Variants in SLC25A44 observed in about 807,000 individuals in gnomAD.
SLC25A44 encodes solute carrier family 25, member 44.
SLC25A44 carries 17 observed loss-of-function variants against 29.9 expected under a neutral mutation model. The observed-to-expected ratio is 0.57, with a 90% confidence interval of 0.39 to 0.85. The LOEUF (loss-of-function observed/expected upper bound fraction) is 0.85. Ranked by LOEUF, SLC25A44 falls within the 40% of genes least tolerant of loss-of-function variation. The pLI, the probability that SLC25A44 is intolerant of heterozygous loss-of-function variation, is 0.00. For synonymous variants in SLC25A44, 140 were observed against 151.8 expected, an observed-to-expected ratio of 0.92 and a Z score of 0.57; for missense variants, 302 against 398.4, an observed-to-expected ratio of 0.76 and a Z score of 2.06.
chr1:156,204,878 T>C (rs547503292), intron 2 of SLC25A44, among the ~76,000 whole-genome samples: 22 of 152,196 alleles, frequency 1.4e-4, no homozygotes, highest in African/African-American at 5.3e-4. Flanking sequence ...GTATGCTGAT[T>C]CTGGGGAAGA....
intron 2 of SLC25A44, among the ~76,000 whole-genome samples, chr1:156,207,454 C>T (rs1351884754): frequency 1.3e-5 from 2 of 151,258 alleles, no homozygotes; most frequent in Non-Finnish European, 2.9e-5. Flanking sequence ...GCTGGGATTA[C>T]AGGCGTGAGC....
rs1010885340 is a variant in SLC25A44 at position 156,211,260 on chromosome 1, T to C, written c.*829T>C. On this transcript the variant is annotated 3_prime_UTR_variant, in exon 4 of 4. Transcript: ENST00000359511. ...TCAGGAGCCCTAGGAGAGTCTAAGC[T>C]GGGGCATCCCCTGGCCCAGAGGACT... The C allele has an allele frequency of 2.6e-5, 4 of 152,890 alleles. No homozygotes were observed. Among genetic ancestry groups the C allele is most frequent in the Admixed American group, 1.3e-4 (2 of 15,276 alleles). The allele number at this position is 152,890 out of a possible 1,614,324, so 9.5% of individuals were successfully genotyped here. A position where few individuals can be genotyped will look rare whatever the true frequency, so the allele number is the denominator to read the frequency against.
chr1:156,207,804 C>T, intron 2 of SLC25A44, 82 bp from the exon 3 acceptor site: 1 of 1,544,360 alleles, frequency 6.5e-7, no homozygotes, highest in East Asian at 2.3e-5. Flanking sequence ...TTGGGAAAGC[C>T]ACCTGGTAGA....
Position 156,205,253 on chromosome 1 carries a change from G to A in SLC25A44, c.626-2633G>A, listed in dbSNP as rs113714523. Among the ~76,000 whole-genome samples, 245 of 152,220 alleles carry A rather than the reference G, an allele frequency of 1.6e-3. 1 individual carries two copies. The highest frequency in any genetic ancestry group is 5.7e-3 in the African/African-American group (238 of 41,520). On this transcript the variant is annotated intron_variant, in intron 2 of 3. Coordinates refer to ENST00000359511, the MANE Select transcript of SLC25A44 (RefSeq NM_014655.4). Reference sequence around the variant, plus strand: ...AGACGGGGTTTTTCCATGTTGGTCAGACTGGTCTTGAACTCCCGACCTCAG... The same window carrying A: ...AGACGGGGTTTTTCCATGTTGGTCAAACTGGTCTTGAACTCCCGACCTCAG...
chr1:156,209,037 T>C (rs1657131891), intron 3 of SLC25A44, among the ~76,000 whole-genome samples: 1 of 151,928 alleles, frequency 6.6e-6, no homozygotes, highest in Non-Finnish European at 1.5e-5. Flanking sequence ...CCTTAACAGG[T>C]TGGAGATAAA....
chr1:156,206,341 G>T (rs1295476725), intron 2 of SLC25A44, among the ~76,000 whole-genome samples: 2 of 151,146 alleles, frequency 1.3e-5, no homozygotes, highest in Non-Finnish European at 2.9e-5. Context: ...AGGTTCAAGT[G>T]ATTCTCCTGC....
intron 2 of SLC25A44, among the ~76,000 whole-genome samples, chr1:156,201,747 G>C (rs1656599443): frequency 6.6e-6 from 1 of 150,668 alleles, no homozygotes; most frequent in East Asian, 1.9e-4. Context: ...TTTCCTCTGG[G>C]GTATTTGTTA....
chr1:156,207,622 C>T (rs1332212097), intron 2 of SLC25A44, among the ~76,000 whole-genome samples: 2 of 152,056 alleles, frequency 1.3e-5, no homozygotes, highest in African/African-American at 4.8e-5. Context: ...TGCACTCCAA[C>T]CTGTGTGACA....
intron 2 of SLC25A44, among the ~76,000 whole-genome samples, chr1:156,205,045 A>C (rs570766799): frequency 5.1e-4 from 76 of 148,756 alleles, no homozygotes; most frequent in Admixed American, 2.9e-3. Context: ...ATGAGGAAAA[A>C]ATTTTTTTTT....
intron 3 of SLC25A44, among the ~76,000 whole-genome samples, chr1:156,209,797 G>A (rs1367448647): frequency 6.6e-6 from 1 of 152,122 alleles, no homozygotes; most frequent in Non-Finnish European, 1.5e-5. Context: ...GCCTCCCTGA[G>A]ACCAGAGAGC....
intron 2 of SLC25A44, among the ~76,000 whole-genome samples, chr1:156,201,939 G>A (rs1400861200): frequency 2.0e-5 from 3 of 152,150 alleles, no homozygotes; most frequent in East Asian, 3.9e-4. Flanking sequence ...CTAGCCTGTC[G>A]AGAGTTCTGG....
chr1:156,210,138 C>G (rs938990533), intron 3 of SLC25A44, 102 bp from the exon 4 acceptor site: 1 of 782,258 alleles, frequency 1.3e-6, no homozygotes, highest in Non-Finnish European at 2.1e-6. Flanking sequence ...CACCTTCCGA[C>G]GTCGGAGTCT....
chr1:156,194,456 C>T (rs1656081755), intron 1 of SLC25A44, among the ~76,000 whole-genome samples: 1 of 152,118 alleles, frequency 6.6e-6, no homozygotes, highest in Admixed American at 6.5e-5. Context: ...GTTCGAAGAC[C>T]CAGAGTTGGG....
Position 156,210,714 on chromosome 1 carries a change from A to C in SLC25A44, c.*283A>C. On this transcript the variant is annotated 3_prime_UTR_variant, in exon 4 of 4. Transcript: ENST00000359511. ...TAAAGACCCCACCCCCCACCCTGCC[A>C]GCCCTTCTTCTGGCTTCCCCTTCCA... The C allele has an allele frequency of 6.2e-6, 1 of 160,710 alleles. No homozygotes were observed. Among genetic ancestry groups the C allele is most frequent in the African/African-American group, 3.4e-5 (1 of 29,230 alleles). 10.0% of individuals were successfully genotyped at this position (160,710 alleles called of 1,614,324 possible).
At chr1:156,202,696 T>C (rs2241110) in intron 2 of SLC25A44, among the ~76,000 whole-genome samples, 29,809 of 152,244 alleles carry the variant, frequency 0.2, 5,516 homozygotes, top group African/African-American at 0.49. Context: ...CTTAAGGCAG[T>C]TATACATTTG....
intron 2 of SLC25A44, among the ~76,000 whole-genome samples, chr1:156,200,823 T>C (rs1257113749): frequency 6.8e-6 from 1 of 147,850 alleles, no homozygotes; most frequent in African/African-American, 2.5e-5. Flanking sequence ...TTGGATGTTT[T>C]CCTCAGCATT....
intron 2 of SLC25A44, among the ~76,000 whole-genome samples, chr1:156,204,666 T>C (rs192576987): frequency 2.0e-4 from 30 of 151,900 alleles, no homozygotes; most frequent in Admixed American, 2.0e-3. Context: ...TTTTGTATTT[T>C]TAGTAGAGAT....
chr1:156,212,599 T>TTTGG lies in SLC25A44; in HGVS notation c.*2170_*2173dup, dbSNP rs1394130861. 1 of 164,838 alleles carries TTTGG rather than the reference T, an allele frequency of 6.1e-6. No individual in the cohort carries two copies. Among genetic ancestry groups the TTTGG allele is most frequent in the Non-Finnish European group, 1.4e-5 (1 of 73,824 alleles). 10.2% of individuals were successfully genotyped at this position (164,838 alleles called of 1,614,324 possible). On this transcript the variant is annotated 3_prime_UTR_variant, in exon 4 of 4. Transcript: ENST00000359511. Reference sequence around the variant, plus strand: ...ACTTCCATTCTCCCTAAACTGGAGTTTTGGTCGGTAATCAAAACTAAAAGA... The same window carrying TTTGG: ...ACTTCCATTCTCCCTAAACTGGAGTTTTGGTTGGTCGGTAATCAAAACTAAAAGA...
chr1:156,200,869 T>C (rs1037261722), intron 2 of SLC25A44, among the ~76,000 whole-genome samples: 5 of 131,130 alleles, frequency 3.8e-5, no homozygotes, highest in Non-Finnish European at 1.6e-5. Flanking sequence ...GGAGTCTCAC[T>C]CTGTCACCTA....
Sources: allele counts gnomAD v4.1 joint callset (sites outside exome capture counted in the v4.1 genomes callset), GRCh38; gene constraint gnomAD v4.1.1; transcripts MANE v1.5; gene names NCBI Gene and HGNC (gene_info 2026-07-23, HGNC 2026-07-21).